Variants in CDH5 observed in about 807,000 individuals in gnomAD.
CDH5 encodes cadherin 5.
A neutral mutation model predicts 62.0 loss-of-function variants in CDH5; 28 were observed. The ratio of observed to expected loss-of-function variants is 0.45; its 90% CI spans 0.33 to 0.62. The LOEUF is 0.62. Among genes scored for constraint, CDH5 ranks in the 20% least tolerant of loss-of-function variants. The probability of loss-of-function intolerance (pLI) is 0.02; values close to 1 mark genes in which losing one functional copy is unlikely to be tolerated. For missense variants in CDH5, 940 were observed against 1,065.1 expected (o/e 0.88, Z 1.63); for synonymous variants, 464 against 445.8 (o/e 1.04, Z -0.52).
chr16:66,367,567 C>T (rs181258317), intron 1 of CDH5, among the ~76,000 whole-genome samples: 61 of 152,362 alleles, frequency 4.0e-4, no homozygotes, highest in Admixed American at 1.5e-3. Flanking sequence ...CAGATCCCAG[C>T]TCTCCCATTT....
intron 1 of CDH5, among the ~76,000 whole-genome samples, chr16:66,372,046 A>C (rs756692101): frequency 1.3e-5 from 2 of 152,120 alleles, no homozygotes; most frequent in Non-Finnish European, 2.9e-5. Flanking sequence ...ATGGACGCCC[A>C]CAAAGGGAAA....
At chr16:66,378,829 T>C (rs892018861) in intron 1 of CDH5, among the ~76,000 whole-genome samples, 7 of 152,172 alleles carry the variant, frequency 4.6e-5, no homozygotes, top group African/African-American at 1.7e-4. Flanking sequence ...GGGGTCTGGT[T>C]CTGCTGGTGT....
At chr16:66,373,379 T>TC (rs1189707282) in intron 1 of CDH5, among the ~76,000 whole-genome samples, 2 of 151,260 alleles carry the variant, frequency 1.3e-5, no homozygotes, top group Admixed American at 1.3e-4. Flanking sequence ...ACAAGACCCT[T>TC]CCCTGCAGCC....
chr16:66,402,962 G>T lies in CDH5; in HGVS notation c.2148G>T (p.Ala716=), dbSNP rs771378915. ...TGATCGAGGTGAAGAAGGACGAGGC[G>T]GACCACGACGGCGACGGCCCCCCCT... ...AAMIEVKKDE[A]DHDGDGPPYD... is the part of the protein sequence containing the mutation. Residue 716 remains alanine, a synonymous_variant, in exon 12 of 12, where the codon GCG becomes GCT. Transcript: ENST00000341529. The T allele has an allele frequency of 8.1e-6, 13 of 1,612,874 alleles. No individual in the cohort carries two copies. In the Middle Eastern group the frequency reaches 4.9e-4, roughly 61 times the overall value.
intron 1 of CDH5, chr16:66,376,579 A>G (rs1484054638): frequency 2.0e-5 from 3 of 152,204 alleles, no homozygotes; most frequent in Admixed American, 2.0e-4. Context: ...CTGCCTGCAC[A>G]GAGGTGGGCT....
rs1295952678 is a variant in CDH5 at position 66,404,184 on chromosome 16, C to G, written c.*1015C>G. ...GCCTTTAGCAAAACTGGACAATGTC[C>G]AAACCCACTCATGACTGCATGACGG... On this transcript the variant is annotated 3_prime_UTR_variant, in exon 12 of 12. Coordinates refer to ENST00000341529, the MANE Select transcript of CDH5 (RefSeq NM_001795.5). The G allele has an allele frequency of 6.5e-6, 1 of 152,736 alleles. No homozygotes were observed. Among genetic ancestry groups the G allele is most frequent in the Non-Finnish European group, 1.5e-5 (1 of 68,096 alleles). The allele number at this position is 152,736 out of a possible 1,614,324, so 9.5% of individuals were successfully genotyped here. A position where few individuals can be genotyped will look rare whatever the true frequency, so the allele number is the denominator to read the frequency against.
At chr16:66,379,568 C>G in intron 2 of CDH5, 21 bp downstream of exon 2, 1 of 1,607,840 alleles carries the variant, frequency 6.2e-7, no homozygotes, top group South Asian at 1.1e-5. Flanking sequence ...AGCCCCAGGA[C>G]AGGAGAAGCC....
intron 1 of CDH5, among the ~76,000 whole-genome samples, chr16:66,368,164 AG>A (rs915394766): frequency 2.0e-5 from 3 of 152,152 alleles, no homozygotes; most frequent in African/African-American, 7.2e-5. Context: ...GGGCATTCCC[AG>A]GGAGGCAGCT....
chr16:66,380,813 A>C (rs1305694614), intron 2 of CDH5, among the ~76,000 whole-genome samples: 2 of 151,438 alleles, frequency 1.3e-5, no homozygotes, highest in Non-Finnish European at 2.9e-5. Context: ...GGTGAAGGAT[A>C]AGTGTTGATG....
At chr16:66,379,984 C>A (rs1472772649) in intron 2 of CDH5, among the ~76,000 whole-genome samples, 1 of 27,928 alleles carries the variant, frequency 3.6e-5, no homozygotes, top group African/African-American at 1.4e-4. Flanking sequence ...TGGTGGTGAT[C>A]ACGGTGATGG....
At chr16:66,381,242 A>G (rs1442637480) in intron 2 of CDH5, among the ~76,000 whole-genome samples, 2 of 152,068 alleles carry the variant, frequency 1.3e-5, no homozygotes, top group Non-Finnish European at 2.9e-5. Flanking sequence ...CCCATATTCC[A>G]CAACACCTGT....
intron 11 of CDH5, 59 bp downstream of exon 11, chr16:66,401,075 G>C: frequency 6.2e-7 from 1 of 1,606,272 alleles, no homozygotes; most frequent in Non-Finnish European, 8.5e-7. Flanking sequence ...GGAAGGTGTT[G>C]GGAGGCGGGG....
At chr16:66,389,334 T>G in intron 4 of CDH5, 24 bp from the exon 5 acceptor site, 1 of 1,597,474 alleles carries the variant, frequency 6.3e-7, no homozygotes, top group South Asian at 1.1e-5. Context: ...GGTAACATGG[T>G]TCCTGCTGGG....
chr16:66,383,838 G>C (rs1043631829), intron 2 of CDH5, among the ~76,000 whole-genome samples: 6 of 152,032 alleles, frequency 3.9e-5, no homozygotes, highest in Admixed American at 2.0e-4. Context: ...CCGACCAAGG[G>C]GGCAATCCTC....
chr16:66,379,375 C>A lies in CDH5; in HGVS notation c.38C>A (p.Ala13Asp), dbSNP rs1386510735. 6.2e-7 allele frequency: 1 copy of A among 1,613,466 alleles called. No homozygotes were observed. Among genetic ancestry groups the A allele is most frequent in the Admixed American group, 1.7e-5 (1 of 60,020 alleles). ...ATGATGCTCCTCGCCACATCGGGCG[C>A]CTGCCTGGGCCTGCTGGCAGTGGCA... ...RLMMLLATSG[A>D]CLGLLAVAAV... is the part of the protein sequence containing the mutation. Residue 13 changes from alanine (A) to aspartate (D), a missense_variant, in exon 2 of 12, where the codon GCC (alanine) becomes GAC (aspartate). By Grantham distance (126) the Ala-to-Asp change is moderately radical. Coordinates refer to ENST00000341529, the MANE Select transcript of CDH5 (RefSeq NM_001795.5).
intron 7 of CDH5, chr16:66,392,615 C>T: frequency 1.8e-6 from 1 of 556,792 alleles, no homozygotes; most frequent in Non-Finnish European, 3.2e-6. Flanking sequence ...GCTACTTGTC[C>T]TCTGTCCGGC....
intron 1 of CDH5, among the ~76,000 whole-genome samples, chr16:66,378,900 C>G (rs371590643): frequency 1.3e-5 from 2 of 152,212 alleles, no homozygotes; most frequent in East Asian, 3.8e-4. Context: ...CCTATGGAAG[C>G]TGCTCACACC....
chr16:66,390,621 G>T (rs781138298), intron 6 of CDH5, 31 bp downstream of exon 6: 1 of 1,604,010 alleles, frequency 6.2e-7, no homozygotes, highest in African/African-American at 1.3e-5. Context: ...AATGTCAAAC[G>T]TGAGGCTTGG....
At position 66,400,879 on chromosome 16, in the gene CDH5, G is replaced by A. The variant is rs370313926; in HGVS notation, c.1700G>A (p.Gly567Asp). 5.2e-5 allele frequency: 84 copies of A among 1,614,092 alleles called. 1 individual carries two copies. In the Middle Eastern group the frequency reaches 6.6e-4, roughly 13 times the overall value. The stretch of plus-strand genomic sequence containing the variant: ...GACAATGGGATGCCAAGTCGCACGG[G>A]CACCAGCACGCTGACCGTGGCCGTG... ...ISDNGMPSRT[G>D]TSTLTVAVCK... The change falls in exon 11 of 12, where the codon GGC becomes GAC. Residue 567 changes from glycine to aspartate, a missense_variant. Coordinates refer to ENST00000341529, the MANE Select transcript of CDH5 (RefSeq NM_001795.5).
Sources: allele counts gnomAD v4.1 joint callset (sites outside exome capture counted in the v4.1 genomes callset), GRCh38; gene constraint gnomAD v4.1.1; transcripts MANE v1.5; gene names NCBI Gene and HGNC (gene_info 2026-07-23, HGNC 2026-07-21).